OSGEPL1: variants seen among roughly 807,000 people sequenced by gnomAD.
OSGEPL1 encodes tRNA N6-adenosine threonylcarbamoyltransferase, mitochondrial.
Under a neutral mutation model 37.2 loss-of-function variants are expected in OSGEPL1, and 26 were observed. That is an observed-to-expected ratio of 0.70 (90% CI 0.51 to 0.97). The LOEUF (loss-of-function observed/expected upper bound fraction) is 0.97, where lower values mean the gene tolerates loss of function less well. Ranked by LOEUF, OSGEPL1 falls within the 50% of genes least tolerant of loss-of-function variation. The pLI, the probability that OSGEPL1 is intolerant of heterozygous loss-of-function variation, is 0.00. For synonymous variants in OSGEPL1, 140 were observed against 159.9 expected (o/e 0.88, Z 0.94); for missense variants, 404 against 487.0 (o/e 0.83, Z 1.60).
intron 1 of OSGEPL1, 121 bp from the exon 2 acceptor site, chr2:189,761,781 G>A (rs1264988908): frequency 3.1e-6 from 3 of 977,072 alleles, no homozygotes; most frequent in Non-Finnish European, 4.3e-6. Flanking sequence ...GTTTGTAAAG[G>A]CTATAGCAAC....
intron 3 of OSGEPL1, chr2:189,754,658 T>G (rs1288376134): frequency 2.4e-5 from 7 of 292,718 alleles, no homozygotes; most frequent in Non-Finnish European, 3.8e-5. Context: ...TGTCCTATAC[T>G]TCCTATTATT....
At chr2:189,759,763 ATTTT>A (rs561866797) in intron 2 of OSGEPL1, among the ~76,000 whole-genome samples, 11 of 141,168 alleles carry the variant, frequency 7.8e-5, no homozygotes, top group Non-Finnish European at 9.3e-5. Context: ...TTATTTATTT[ATTTT>A]TTTAGTATTT....
At chr2:189,754,905 C>T (rs186802342) in intron 3 of OSGEPL1, 16 of 416,962 alleles carry the variant, frequency 3.8e-5, no homozygotes, top group African/African-American at 6.3e-5. Flanking sequence ...CTTTCACATA[C>T]ATTATTTGGC....
At chr2:189,760,374 G>A (rs1022531758) in intron 2 of OSGEPL1, among the ~76,000 whole-genome samples, 39 of 152,066 alleles carry the variant, frequency 2.6e-4, no homozygotes, top group African/African-American at 8.5e-4. Context: ...GGCGGCTGCC[G>A]GGCAGAGGCG....
At chr2:189,761,776 T>TA (rs2106107099) in intron 1 of OSGEPL1, 116 bp from the exon 2 acceptor site, 2 of 1,047,794 alleles carry the variant, frequency 1.9e-6, no homozygotes, top group East Asian at 5.8e-5. Flanking sequence ...CAAAAGTTTG[T>TA]AAAGGCTATA....
At chr2:189,749,017 C>G (rs1216553221) in intron 8 of OSGEPL1, among the ~76,000 whole-genome samples, 2 of 151,864 alleles carry the variant, frequency 1.3e-5, no homozygotes, top group Admixed American at 1.3e-4. Flanking sequence ...GAGGCCAAGG[C>G]GGGTGGATCA....
chr2:189,752,824 G>T (rs1323329620), intron 6 of OSGEPL1, 25 bp downstream of exon 6: 1 of 1,613,364 alleles, frequency 6.2e-7, no homozygotes, highest in Non-Finnish European at 8.5e-7. Flanking sequence ...AGTTATGAGT[G>T]AAGCACGTAT....
intron 7 of OSGEPL1, among the ~76,000 whole-genome samples, chr2:189,751,071 A>C (rs1285296228): frequency 6.6e-6 from 1 of 152,190 alleles, no homozygotes; most frequent in Non-Finnish European, 1.5e-5. Flanking sequence ...TCTTCTCTGA[A>C]GTTTCAAAAG....
chr2:189,760,521 G>A (rs952345071), intron 2 of OSGEPL1, among the ~76,000 whole-genome samples: 13 of 152,186 alleles, frequency 8.5e-5, no homozygotes, highest in South Asian at 2.1e-4. Flanking sequence ...AGCCCGGCGC[G>A]GTGTCTCACG....
chr2:189,762,370 C>T (rs963226186), intron 1 of OSGEPL1, among the ~76,000 whole-genome samples: 6 of 152,216 alleles, frequency 3.9e-5, no homozygotes, highest in Non-Finnish European at 7.3e-5. Flanking sequence ...AAAGCAGGGC[C>T]TTTCTCCACC....
chr2:189,747,583 C>T (rs1279593562), intron 8 of OSGEPL1, among the ~76,000 whole-genome samples: 2 of 152,140 alleles, frequency 1.3e-5, no homozygotes, highest in Non-Finnish European at 2.9e-5. Context: ...GGCTTAGAAC[C>T]ATATGATGTC....
chr2:189,754,429 TAACAA>T (rs1484155439), intron 3 of OSGEPL1, 84 bp from the exon 4 acceptor site: 112 of 1,293,826 alleles, frequency 8.7e-5, no homozygotes, highest in Non-Finnish European at 1.2e-4. Context: ...TGAAAATTAC[TAACAA>T]AACAAAAAAC....
At chr2:189,751,579 C>T (rs939764690) in intron 7 of OSGEPL1, among the ~76,000 whole-genome samples, 3 of 150,556 alleles carry the variant, frequency 2.0e-5, no homozygotes, top group Non-Finnish European at 4.4e-5. Context: ...CGAGTAGCTG[C>T]GATTACAGGT....
intron 3 of OSGEPL1, chr2:189,754,687 T>TTTTGTTTG (rs541427954): frequency 1.9e-5 from 5 of 260,424 alleles, no homozygotes; most frequent in African/African-American, 1.2e-4. Context: ...GGAAGCAGTG[T>TTTTGTTTG]TTTGTTTGTT....
chr2:189,750,596 T>G lies in OSGEPL1; in HGVS notation c.1227A>C (p.Gln409His), dbSNP rs1010244113. ...GCAGAAATCATATCTCCATTTTTAA[T>G]TGTGGTACTTTTATGGAAGCTTCTC... ...EVGEASIKVP[Q>H]LKMEI The change falls in exon 8 of 9, where the codon CAA (glutamine) becomes CAC (histidine). Residue 409 changes from glutamine to histidine, a missense_variant. Gln to His is a conservative substitution (Grantham distance 24). Coordinates refer to ENST00000264151, the MANE Select transcript of OSGEPL1 (RefSeq NM_022353.3). The G allele has an allele frequency of 1.3e-6, 2 of 1,584,096 alleles. No individual in the cohort carries two copies. Among genetic ancestry groups the G allele is most frequent in the Middle Eastern group, 1.7e-4 (1 of 6,022 alleles).
At chr2:189,751,648 T>C (rs1647746325) in intron 7 of OSGEPL1, among the ~76,000 whole-genome samples, 1 of 151,336 alleles carries the variant, frequency 6.6e-6, no homozygotes, top group African/African-American at 2.4e-5. Context: ...TTTCACCATG[T>C]TGGCCAGGCT....
chr2:189,755,420 G>A lies in OSGEPL1; in HGVS notation c.362C>T (p.Ala121Val). ...AIATTIKPGL[A>V]LSLGVGLSFS... ...TGATAAGCCCACTCCCAGGCTTAAA[G>A]CAAGTCCTGGTTTTATGGTAGTTGC... Residue 121 changes from alanine to valine, a missense_variant, in exon 3 of 9, where the codon GCT becomes GTT. Ala to Val is a moderately conservative substitution (Grantham distance 64). Coordinates refer to ENST00000264151, the MANE Select transcript of OSGEPL1 (RefSeq NM_022353.3). 1 of 1,609,886 alleles carries A rather than the reference G, an allele frequency of 6.2e-7. No individual in the cohort carries two copies. The highest frequency in any genetic ancestry group is 8.5e-7 in the Non-Finnish European group (1 of 1,179,024).
rs367948883 is a variant in OSGEPL1 at position 189,752,705 on chromosome 2, G to A, written c.1114C>T (p.Arg372Cys). ...TCATGTAAAATGCCCAAGCCAGCAC[G>A]TAGTCTTTCAATACCATTCCTAAAT... ...MIAWNGIERL[R>C]AGLGILHDIE... Residue 372 changes from arginine to cysteine, a missense_variant, in exon 7 of 9, where the codon CGT becomes TGT. Physicochemically the swap from Arg to Cys is radical, Grantham distance 180 (BLOSUM62 -3). Coordinates refer to ENST00000264151, the MANE Select transcript of OSGEPL1 (RefSeq NM_022353.3). The A allele has an allele frequency of 8.7e-6, 14 of 1,613,698 alleles. No individual in the cohort carries two copies. The highest frequency in any genetic ancestry group is 2.2e-5 in the East Asian group (1 of 44,882).
intron 3 of OSGEPL1, 135 bp from the exon 4 acceptor site, chr2:189,754,480 T>C: frequency 2.5e-6 from 2 of 786,024 alleles, no homozygotes; most frequent in Non-Finnish European, 3.9e-6. Flanking sequence ...CTTTGGCAAA[T>C]ATAGACTATA....
Sources: allele counts gnomAD v4.1 joint callset (sites outside exome capture counted in the v4.1 genomes callset), GRCh38; gene constraint gnomAD v4.1.1; transcripts MANE v1.5; gene names NCBI Gene and HGNC (gene_info 2026-07-23, HGNC 2026-07-21).